Variants in SPICE1 observed in about 807,000 individuals in gnomAD.
SPICE1 encodes the protein spindle and centriole associated protein 1.
In SPICE1, 75 loss-of-function variants were observed where a neutral mutation model predicts 102.7. The observed-to-expected ratio is 0.73, with a 90% confidence interval of 0.61 to 0.88. The LOEUF is 0.88. Ranked by LOEUF, SPICE1 falls within the 40% of genes least tolerant of loss-of-function variation. The pLI, the probability that SPICE1 is intolerant of heterozygous loss-of-function variation, is 0.00. For missense variants in SPICE1, 979 were observed against 1,020.1 expected (o/e 0.96, Z 0.55); for synonymous variants, 308 against 350.3 (o/e 0.88, Z 1.35).
rs770682044 is a variant in SPICE1, at chr3:113,447,999, G to GT, written c.2426+38_2426+39insA. 11,452 of 1,486,174 alleles carry GT rather than the reference G, an allele frequency of 7.7e-3. 215 individuals are homozygous for GT. In the African/African-American group the frequency reaches 0.085, roughly 11 times the overall value. 92.1% of individuals were successfully genotyped at this position (1,486,174 alleles called of 1,614,324 possible). A position where few individuals can be genotyped will look rare whatever the true frequency, so the allele number is the denominator to read the frequency against. On this transcript the variant is annotated intron_variant, in intron 16 of 17. Transcript: ENST00000295872. The stretch of plus-strand genomic sequence containing the variant: ...ATAAAATACATACCAAATTCTTTTT[G>GT]ATTTTTTTTTTTAAATAAATATTCA...
chr3:113,455,639 T>C (rs1165220705), intron 13 of SPICE1, among the ~76,000 whole-genome samples: 1 of 152,240 alleles, frequency 6.6e-6, no homozygotes, highest in Non-Finnish European at 1.5e-5. Flanking sequence ...TCACCCATTT[T>C]CATCTGCATA....
chr3:113,447,676 G>A (rs967582782), intron 16 of SPICE1, among the ~76,000 whole-genome samples: 1 of 152,120 alleles, frequency 6.6e-6, no homozygotes, highest in Non-Finnish European at 1.5e-5. Flanking sequence ...GACCCATCTA[G>A]ACAAATCACC....
chr3:113,477,531 C>A (rs1936382468), intron 7 of SPICE1, among the ~76,000 whole-genome samples: 1 of 151,526 alleles, frequency 6.6e-6, no homozygotes, highest in South Asian at 2.1e-4. Flanking sequence ...GACTTGGAAC[C>A]AACCCAAATG....
At chr3:113,496,547 C>A in intron 4 of SPICE1, among the ~76,000 whole-genome samples, 1 of 152,106 alleles carries the variant, frequency 6.6e-6, no homozygotes, top group East Asian at 1.9e-4. Context: ...TTTATAAGAT[C>A]TTTTTGAAAG....
At position 113,469,141 on chromosome 3, in the gene SPICE1, G is replaced by C. The variant is rs377166323; in HGVS notation, c.709C>G (p.Pro237Ala). 4.3e-6 allele frequency: 7 copies of C among 1,613,536 alleles called. No homozygotes were observed. In the African/African-American group the frequency reaches 8.0e-5, roughly 18 times the overall value. ...GAAAGAGCAGATGATGGCGTTCCTG[G>C]AGGAGTTATTTGTGACTGGGTTGCT... Reference protein sequence around the residue: ...KIATQSQITPPGTPSSALSSG... With the variant: ...KIATQSQITPAGTPSSALSSG... The change falls in exon 8 of 18, where the codon CCA (proline) becomes GCA (alanine). Residue 237 changes from proline to alanine, a missense_variant. Physicochemically the swap from Pro to Ala is conservative, Grantham distance 27. Coordinates refer to ENST00000295872, the MANE Select transcript of SPICE1 (RefSeq NM_144718.4).
intron 11 of SPICE1, 39 bp downstream of exon 11, chr3:113,465,614 A>T: frequency 3.2e-6 from 5 of 1,578,806 alleles, no homozygotes; most frequent in Non-Finnish European, 4.3e-6. Flanking sequence ...GATGTTTTAT[A>T]CCACTGAACA....
At position 113,448,060 on chromosome 3, in the gene SPICE1, C is replaced by T. The variant is rs147299017; in HGVS notation, c.2404G>A (p.Val802Ile). The part of the protein sequence containing the change: ...ESSKCSTVSP[V>I]SGINTRRSSG... The stretch of plus-strand genomic sequence containing the variant: ...TACCTTCTTGTATTTATCCCGCTGA[C>T]GGGAGAGACAGTACTACATTTTGAG... The change falls in exon 16 of 18, where the codon GTC (valine) becomes ATC (isoleucine). Residue 802 changes from valine to isoleucine, a missense_variant. Physicochemically the swap from Val to Ile is conservative, Grantham distance 29. Coordinates refer to ENST00000295872, the MANE Select transcript of SPICE1 (RefSeq NM_144718.4). The T allele has an allele frequency of 1.3e-4, 206 of 1,608,396 alleles. No homozygotes were observed. The highest frequency in any genetic ancestry group is 1.8e-4 in the Admixed American group (11 of 59,700).
At position 113,511,137 on chromosome 3, in the gene SPICE1, T is replaced by C. The variant is rs543788691; in HGVS notation, c.-1+3760A>G. ...ACATGCTGGCAAGACTGTGGAGAAA[T>C]AGGAACAATTTTACACTGTTGGTGG... On this transcript the variant is annotated intron_variant, in intron 1 of 17. Coordinates refer to ENST00000295872, the MANE Select transcript of SPICE1 (RefSeq NM_144718.4). 4.6e-4 allele frequency among the ~76,000 whole-genome samples: 70 copies of C among 152,216 alleles called. 1 individual carries two copies. In the South Asian group the frequency reaches 0.013, roughly 28 times the overall value.
intron 7 of SPICE1, among the ~76,000 whole-genome samples, chr3:113,474,291 TTC>T (rs1936284170): frequency 6.6e-6 from 1 of 152,056 alleles, no homozygotes. Context: ...ATAAAGCAAG[TTC>T]TGAGTGACCT....
chr3:113,475,460 A>T (rs1043113623), intron 7 of SPICE1, among the ~76,000 whole-genome samples: 15 of 152,012 alleles, frequency 9.9e-5, no homozygotes, highest in Non-Finnish European at 1.5e-4. Context: ...CTGATACCAA[A>T]GCCGGGCAGA....
intron 7 of SPICE1, among the ~76,000 whole-genome samples, chr3:113,471,240 A>C (rs1349096019): frequency 1.3e-5 from 2 of 152,206 alleles, no homozygotes; most frequent in African/African-American, 2.4e-5. Flanking sequence ...TTCAGATACA[A>C]TTTAGAATCT....
intron 7 of SPICE1, among the ~76,000 whole-genome samples, chr3:113,476,908 T>C (rs1270379547): frequency 2.0e-5 from 3 of 152,194 alleles, no homozygotes; most frequent in Middle Eastern, 3.4e-3. Flanking sequence ...CCAAAAGCAA[T>C]GGCAACAAAG....
intron 7 of SPICE1, 116 bp downstream of exon 7, chr3:113,488,825 TAAAC>T: frequency 6.3e-6 from 4 of 633,478 alleles, no homozygotes; most frequent in Non-Finnish European, 1.1e-5. Flanking sequence ...AATACCAAAA[TAAAC>T]AAATTTTTAA....
intron 2 of SPICE1, among the ~76,000 whole-genome samples, chr3:113,506,066 G>C (rs1277173311): frequency 6.6e-6 from 1 of 152,138 alleles, no homozygotes; most frequent in African/African-American, 2.4e-5. Flanking sequence ...TGGGATAAGA[G>C]AGCAAAGGTC....
chr3:113,502,662 T>TAAAAAA (rs35248720), intron 3 of SPICE1, among the ~76,000 whole-genome samples: 4 of 87,268 alleles, frequency 4.6e-5, no homozygotes, highest in East Asian at 3.2e-4. Context: ...CAATAAATCT[T>TAAAAAA]AAAAAAAAAA....
At chr3:113,481,913 C>T (rs1410938225) in intron 7 of SPICE1, among the ~76,000 whole-genome samples, 1 of 152,010 alleles carries the variant, frequency 6.6e-6, no homozygotes, top group Non-Finnish European at 1.5e-5. Flanking sequence ...ATTTATAATC[C>T]TTTGGGTATA....
At chr3:113,447,981 A>G in intron 16 of SPICE1, 57 bp downstream of exon 16, 1 of 1,484,752 alleles carries the variant, frequency 6.7e-7, no homozygotes, top group Non-Finnish European at 9.1e-7. Flanking sequence ...AGAATAAAAT[A>G]CATACCAAAT....
chr3:113,485,174 T>C (rs1576639718), intron 7 of SPICE1, among the ~76,000 whole-genome samples: 1 of 149,652 alleles, frequency 6.7e-6, no homozygotes, highest in Non-Finnish European at 1.5e-5. Flanking sequence ...GGAGTTTTGT[T>C]TGTTTTTTTT....
At chr3:113,457,096 T>C (rs758962323) in intron 13 of SPICE1, 40 bp downstream of exon 13, 11 of 1,579,694 alleles carry the variant, frequency 7.0e-6, no homozygotes, top group African/African-American at 5.9e-5. Flanking sequence ...AAATGAAACA[T>C]TAAAAAACAA....
Sources: gnomAD v4.1 joint callset for allele counts (sites outside exome capture counted in the v4.1 genomes callset) on GRCh38, gnomAD v4.1.1 for gene constraint, MANE v1.5 for transcripts, NCBI Gene and HGNC (gene_info 2026-07-23, HGNC 2026-07-21) for gene names.